The following CSMD3 variants were observed in gnomAD, a reference collection of about 807,000 sequenced individuals.
CSMD3 encodes the protein CUB and sushi domain-containing protein 3.
In CSMD3, 177 loss-of-function variants were observed where a neutral mutation model predicts 435.2. The observed-to-expected ratio is 0.41, with a 90% CI of 0.36 to 0.46. The LOEUF (loss-of-function observed/expected upper bound fraction) is 0.46, where lower values mean the gene tolerates loss of function less well. Ranked by LOEUF, CSMD3 falls within the 20% of genes least tolerant of loss-of-function variation. CSMD3 has a pLI of 0.34. For synonymous variants in CSMD3, 1,656 were observed against 1,520.5 expected, an observed-to-expected ratio of 1.09 and a Z score of -2.07; for missense variants, 4,265 against 4,504.6, an observed-to-expected ratio of 0.95 and a Z score of 1.52.
At chr8:112,248,721 C>G (rs1814989068) in intron 63 of CSMD3, among the ~76,000 whole-genome samples, 1 of 152,092 alleles carries the variant, frequency 6.6e-6, no homozygotes, top group South Asian at 2.1e-4. Flanking sequence ...ACTCTGAATT[C>G]CACCATTTTT....
At chr8:112,962,535 A>C (rs886261277) in intron 7 of CSMD3, among the ~76,000 whole-genome samples, 1 of 146,782 alleles carries the variant, frequency 6.8e-6, no homozygotes, top group Non-Finnish European at 1.5e-5. Context: ...ATAAATTTAC[A>C]AAAAAAAAAT....
At chr8:112,303,522 TC>T (rs1821123861) in intron 52 of CSMD3, among the ~76,000 whole-genome samples, 1 of 151,870 alleles carries the variant, frequency 6.6e-6, no homozygotes, top group African/African-American at 2.4e-5. Context: ...GCCACTGCAC[TC>T]CAGCCTGGCA....
At chr8:113,419,121 G>GTTT (rs1200219963) in intron 1 of CSMD3, among the ~76,000 whole-genome samples, 2 of 141,504 alleles carry the variant, frequency 1.4e-5, no homozygotes, top group African/African-American at 5.2e-5. Context: ...GTTTTTTTTG[G>GTTT]TTTGTTTTTT....
chr8:112,697,139 C>A (rs2076275858), intron 13 of CSMD3, among the ~76,000 whole-genome samples: 1 of 151,972 alleles, frequency 6.6e-6, no homozygotes, highest in Non-Finnish European at 1.5e-5. Flanking sequence ...GGACTGTAAA[C>A]TAGTTCAACC....
intron 9 of CSMD3, among the ~76,000 whole-genome samples, chr8:112,932,401 C>A (rs1246229363): frequency 6.6e-6 from 1 of 152,122 alleles, no homozygotes; most frequent in African/African-American, 2.4e-5. Flanking sequence ...ATCTCATAGA[C>A]ATAGAAAGTA....
chr8:113,187,388 A>G (rs1428053832), intron 3 of CSMD3, among the ~76,000 whole-genome samples: 2 of 151,824 alleles, frequency 1.3e-5, no homozygotes, highest in Non-Finnish European at 2.9e-5. Context: ...AAGAGACTGG[A>G]AAAAAAATCA....
chr8:112,421,636 GTAA>G (rs1260734870), intron 32 of CSMD3, among the ~76,000 whole-genome samples: 6 of 146,184 alleles, frequency 4.1e-5, no homozygotes, highest in Admixed American at 2.8e-4. Context: ...ACACATATAT[GTAA>G]TAATATATGT....
At chr8:113,012,194 T>C (rs2086279520) in intron 6 of CSMD3, among the ~76,000 whole-genome samples, 1 of 151,848 alleles carries the variant, frequency 6.6e-6, no homozygotes, top group Non-Finnish European at 1.5e-5. Flanking sequence ...AATAATGCAG[T>C]TGGCCTATGT....
In CSMD3 at chr8:112,263,772, C is replaced by G. The variant is rs1208860784; in HGVS notation, c.9729G>C (p.Arg3243Ser). The change falls in exon 61 of 71, where the codon AGG becomes AGC. Residue 3243 changes from arginine (R) to serine (S), a missense_variant. Arg to Ser is a moderately radical substitution (Grantham distance 110). Transcript: ENST00000297405. The part of the protein sequence containing the change: ...CPTPPQISNG[R>S]LEGTNFDWGF... Reference sequence around the variant, plus strand: ...CCCAGTCGAAATTTGTTCCTTCCAGCCTTCCATTAGAGATCTGGGGAGGAG... The same window carrying G: ...CCCAGTCGAAATTTGTTCCTTCCAGGCTTCCATTAGAGATCTGGGGAGGAG... 4 of 1,613,706 alleles carry G rather than the reference C, an allele frequency of 2.5e-6. No individual in the cohort carries two copies. In the African/African-American group the frequency reaches 4.0e-5, roughly 16 times the overall value.
intron 45 of CSMD3, among the ~76,000 whole-genome samples, chr8:112,325,980 C>A (rs1410059581): frequency 5.9e-5 from 9 of 152,142 alleles, no homozygotes; most frequent in African/African-American, 1.9e-4. Context: ...TAAGAATAAA[C>A]CACTATGACA....
At chr8:112,664,756 GA>G (rs1175193232) in intron 17 of CSMD3, among the ~76,000 whole-genome samples, 1 of 152,040 alleles carries the variant, frequency 6.6e-6, no homozygotes, top group African/African-American at 2.4e-5. Context: ...CACACACACA[GA>G]AAATCACGTG....
At chr8:113,018,877 T>C (rs2086574456) in intron 6 of CSMD3, 190 bp downstream of exon 6, 1 of 596,610 alleles carries the variant, frequency 1.7e-6, no homozygotes. Flanking sequence ...TATTATACTA[T>C]AAAATCAACT....
chr8:112,608,524 CAAATTATTACAAAACA>C (rs974400093), intron 22 of CSMD3, among the ~76,000 whole-genome samples: 43 of 152,058 alleles, frequency 2.8e-4, no homozygotes, highest in African/African-American at 9.9e-4. Context: ...TTCCTGGTTT[CAAATTATTACAAAACA>C]AAACTTATCA....
intron 22 of CSMD3, among the ~76,000 whole-genome samples, chr8:112,613,362 C>T (rs866151828): frequency 6.6e-6 from 1 of 152,048 alleles, no homozygotes; most frequent in Non-Finnish European, 1.5e-5. Context: ...AAGGAGAAAT[C>T]CTCTTGTGGT....
chr8:113,202,774 G>A (rs2092728186), intron 3 of CSMD3, among the ~76,000 whole-genome samples: 1 of 152,072 alleles, frequency 6.6e-6, no homozygotes, highest in Non-Finnish European at 1.5e-5. Flanking sequence ...ATGTAAAATA[G>A]CAACTTATCT....
chr8:113,350,145 C>T (rs1426123098), intron 1 of CSMD3, among the ~76,000 whole-genome samples: 1 of 151,906 alleles, frequency 6.6e-6, no homozygotes, highest in Non-Finnish European at 1.5e-5. Context: ...AAGCAGAGGT[C>T]ATAGATAAAG....
chr8:112,347,940 CCTT>C (rs1377669731), intron 40 of CSMD3, among the ~76,000 whole-genome samples: 2 of 152,290 alleles, frequency 1.3e-5, no homozygotes, highest in South Asian at 2.1e-4. Flanking sequence ...TGCTGATTGT[CCTT>C]CTAATTCTGT....
intron 5 of CSMD3, among the ~76,000 whole-genome samples, chr8:113,093,406 TC>T (rs1339606871): frequency 6.6e-6 from 1 of 151,920 alleles, no homozygotes; most frequent in African/African-American, 2.4e-5. Flanking sequence ...AGAAAAGACA[TC>T]CCAGTGAATA....
intron 13 of CSMD3, among the ~76,000 whole-genome samples, chr8:112,728,634 T>C (rs776517673): frequency 3.3e-5 from 5 of 151,982 alleles, no homozygotes; most frequent in Non-Finnish European, 7.4e-5. Context: ...ATAATGTATT[T>C]TGCCATGATA....
Sources: gnomAD v4.1 joint callset for allele counts (sites outside exome capture counted in the v4.1 genomes callset) on GRCh38, gnomAD v4.1.1 for gene constraint, MANE v1.5 for transcripts, NCBI Gene and HGNC (gene_info 2026-07-23, HGNC 2026-07-21) for gene names.